The following MAPT variants were observed in gnomAD, a reference collection of about 807,000 sequenced individuals.
MAPT encodes microtubule associated protein tau, also known as microtubule-associated protein tau.
Under a neutral mutation model 67.9 loss-of-function variants are expected in MAPT, and 34 were observed. That is an observed-to-expected ratio of 0.50 (90% confidence interval 0.38 to 0.67). The LOEUF (loss-of-function observed/expected upper bound fraction) is 0.67, where lower values mean the gene tolerates loss of function less well. Ranked by LOEUF, MAPT falls within the 30% of genes least tolerant of loss-of-function variation. The probability of loss-of-function intolerance (pLI) is 0.00; values close to 1 mark genes in which losing one functional copy is unlikely to be tolerated. For synonymous variants in MAPT, 456 were observed against 464.5 expected (o/e 0.98, Z 0.23); for missense variants, 881 against 1,115.2 (o/e 0.79, Z 2.99).
intron 5 of MAPT, chr17:45,985,845 C>CAGG (rs1392026686): frequency 2.9e-6 from 1 of 344,942 alleles, no homozygotes; most frequent in Non-Finnish European, 4.1e-6. Flanking sequence ...AGTCTTTTAG[C>CAGG]AGGTGATTCT....
At chr17:45,909,320 G>A (rs891858723) in intron 1 of MAPT, among the ~76,000 whole-genome samples, 2 of 152,208 alleles carry the variant, frequency 1.3e-5, no homozygotes, top group Admixed American at 6.5e-5. Flanking sequence ...CCACCTTCCA[G>A]TGGGATAAGC....
At chr17:45,963,260 C>T (rs16940758) in intron 2 of MAPT, among the ~76,000 whole-genome samples, 29,685 of 152,168 alleles carry the variant, frequency 0.2, 2,987 homozygotes, top group Middle Eastern at 0.35. Context: ...AAATTGACTT[C>T]GCCTCTTCCT....
At chr17:46,018,120 G>A (rs1296478957) in intron 11 of MAPT, among the ~76,000 whole-genome samples, 2 of 149,446 alleles carry the variant, frequency 1.3e-5, no homozygotes, top group Non-Finnish European at 3.0e-5. Context: ...ACTCCAGCCT[G>A]GGCGACAGAG....
chr17:46,014,428 A>G lies in MAPT; in HGVS notation c.2173+104A>G, dbSNP rs149026844. ...GACTTCAGAAGGGGCTGGAAAGGAT[A>G]TTTTAGGTAGACCTACATCAAGGAA... On this transcript the variant is annotated intron_variant, in intron 11 of 12. Transcript: ENST00000262410. 1,869 of 829,160 alleles carry G rather than the reference A, an allele frequency of 2.3e-3. 8 individuals are homozygous for G. The highest frequency in any genetic ancestry group is 3.0e-3 in the Non-Finnish European group (1,430 of 479,526). The allele number at this position is 829,160 out of a possible 1,614,324, so 51.4% of individuals were successfully genotyped here. A position where few individuals can be genotyped will look rare whatever the true frequency, so the allele number is the denominator to read the frequency against.
At chr17:45,969,783 C>A (rs181484865) in intron 2 of MAPT, among the ~76,000 whole-genome samples, 10 of 152,260 alleles carry the variant, frequency 6.6e-5, no homozygotes, top group Admixed American at 6.5e-4. Flanking sequence ...ATCCATCCAT[C>A]CTTCCTTCCA....
At chr17:45,998,296 A>G (rs908691709) in intron 9 of MAPT, among the ~76,000 whole-genome samples, 10 of 151,736 alleles carry the variant, frequency 6.6e-5, no homozygotes, top group Admixed American at 6.6e-4. Context: ...GCAGTGTCAC[A>G]TCCCATCGGG....
At chr17:45,978,217 AT>A in intron 3 of MAPT, 157 bp from the exon 4 acceptor site, 3 of 707,762 alleles carry the variant, frequency 4.2e-6, no homozygotes, top group Non-Finnish European at 7.7e-6. Context: ...CAGCAATGAC[AT>A]TTGCAGAGAA....
chr17:45,993,777 G>A, intron 8 of MAPT: 1 of 714,202 alleles, frequency 1.4e-6, no homozygotes, highest in Admixed American at 2.4e-5. Flanking sequence ...CCTGCAGGTG[G>A]AGAGACCCTC....
chr17:45,978,791 G>C (rs947337809), intron 4 of MAPT: 17 of 211,706 alleles, frequency 8.0e-5, no homozygotes, highest in Middle Eastern at 3.3e-3. Context: ...GATCACCTGA[G>C]GTCAGGAGTT....
intron 9 of MAPT, among the ~76,000 whole-genome samples, chr17:46,004,076 A>G (rs2075238214): frequency 6.6e-6 from 1 of 152,202 alleles, no homozygotes; most frequent in African/African-American, 2.4e-5. Flanking sequence ...TTAAACTCCC[A>G]GCAGAGTATT....
At chr17:45,905,550 T>C (rs2064247321) in intron 1 of MAPT, among the ~76,000 whole-genome samples, 1 of 152,112 alleles carries the variant, frequency 6.6e-6, no homozygotes, top group Admixed American at 6.6e-5. Flanking sequence ...TTAAAAAAAA[T>C]AAAAATAAAA....
At chr17:45,912,630 G>T (rs775084710) in intron 1 of MAPT, among the ~76,000 whole-genome samples, 12 of 152,232 alleles carry the variant, frequency 7.9e-5, no homozygotes, top group Non-Finnish European at 1.5e-4. Context: ...TTGGCCTTCA[G>T]AAGTGTGAGG....
At chr17:46,014,957 C>T (rs1231148117) in intron 11 of MAPT, among the ~76,000 whole-genome samples, 2 of 151,336 alleles carry the variant, frequency 1.3e-5, no homozygotes, top group African/African-American at 4.9e-5. Context: ...TTACCAGAGG[C>T]TGGGAAGGGT....
intron 1 of MAPT, among the ~76,000 whole-genome samples, chr17:45,946,115 T>C (rs1436451129): frequency 6.6e-6 from 1 of 152,034 alleles, no homozygotes; most frequent in African/African-American, 2.4e-5. Flanking sequence ...CAGTTTTTTT[T>C]GCTCTGGTTT....
chr17:45,917,788 T>A (rs1337643861), intron 1 of MAPT, among the ~76,000 whole-genome samples: 1 of 144,684 alleles, frequency 6.9e-6, no homozygotes, highest in Non-Finnish European at 1.6e-5. Flanking sequence ...TTTTTTCTTT[T>A]TTTTTAAGAC....
At chr17:45,930,380 C>G (rs887725096) in intron 1 of MAPT, among the ~76,000 whole-genome samples, 2 of 148,578 alleles carry the variant, frequency 1.3e-5, no homozygotes, top group African/African-American at 5.0e-5. Context: ...GCATTCCAGC[C>G]TGGGTGACAG....
At chr17:45,962,831 A>G (rs1221749093) in intron 2 of MAPT, among the ~76,000 whole-genome samples, 1 of 152,180 alleles carries the variant, frequency 6.6e-6, no homozygotes, top group Non-Finnish European at 1.5e-5. Context: ...ATGCTGAGGC[A>G]GAAGGATCAC....
chr17:45,931,885 A>G (rs2066876938), intron 1 of MAPT: 1 of 151,984 alleles, frequency 6.6e-6, no homozygotes, highest in African/African-American at 2.4e-5. Flanking sequence ...TCAGGAGTTC[A>G]AGATTTGCCT....
intron 6 of MAPT, among the ~76,000 whole-genome samples, chr17:45,989,215 T>G (rs1484924569): frequency 6.6e-6 from 1 of 152,202 alleles, no homozygotes; most frequent in Non-Finnish European, 1.5e-5. Flanking sequence ...CTAAGATTCA[T>G]GTACCTTGAT....
Sources: allele counts gnomAD v4.1 joint callset (sites outside exome capture counted in the v4.1 genomes callset), GRCh38; gene constraint gnomAD v4.1.1; transcripts MANE v1.5; gene names NCBI Gene and HGNC (gene_info 2026-07-23, HGNC 2026-07-21).